Variants in ADAM12 observed in about 807,000 individuals in gnomAD.
ADAM12 encodes the protein ADAM metallopeptidase domain 12.
A neutral mutation model predicts 106.4 loss-of-function variants in ADAM12; 70 were observed. That is an observed-to-expected ratio of 0.66 (90% CI 0.54 to 0.80). The LOEUF is 0.80. ADAM12 is among the 30% of genes least tolerant of loss of function. ADAM12 has a pLI of 0.00. For synonymous variants in ADAM12, 420 were observed against 433.5 expected, an observed-to-expected ratio of 0.97 and a Z score of 0.39; for missense variants, 1,010 against 1,171.9, an observed-to-expected ratio of 0.86 and a Z score of 2.02.
chr10:126,120,611 T>C (rs1269341091), intron 5 of ADAM12, among the ~76,000 whole-genome samples: 1 of 152,034 alleles, frequency 6.6e-6, no homozygotes, highest in Non-Finnish European at 1.5e-5. Flanking sequence ...GTCTATAGTT[T>C]AGGCAGATAA....
At chr10:126,175,312 C>T (rs1017615014) in intron 3 of ADAM12, among the ~76,000 whole-genome samples, 5 of 152,234 alleles carry the variant, frequency 3.3e-5, no homozygotes, top group African/African-American at 2.4e-5. Context: ...AGTTGCAACT[C>T]ACCTCCACAA....
chr10:126,338,246 ATTTTT>A lies in ADAM12; in HGVS notation c.89-7742_89-7738del, dbSNP rs200317403. On this transcript the variant is annotated intron_variant, in intron 1 of 22. Coordinates refer to ENST00000448723, the MANE Select transcript of ADAM12 (RefSeq NM_001288973.2). ...AAAGTCACTTACAACAGTAACTTAC[ATTTTT>A]TTTTTTTTTTTTTTTTTTTGAGACG... Among the ~76,000 whole-genome samples, 10 of 89,840 alleles carry A rather than the reference ATTTTT, an allele frequency of 1.1e-4. No individual in the cohort carries two copies. The East Asian group carries it at 1.4e-3, about 13-fold the overall frequency. 58.9% of individuals were successfully genotyped at this position (89,840 alleles called of 152,430 possible).
At chr10:126,017,686 G>GA (rs1466313121) in intron 22 of ADAM12, among the ~76,000 whole-genome samples, 1 of 152,120 alleles carries the variant, frequency 6.6e-6, no homozygotes, top group Non-Finnish European at 1.5e-5. Flanking sequence ...ATCATCAATA[G>GA]AAAAAAATGG....
chr10:126,378,920 C>G (rs1030241153), intron 1 of ADAM12, among the ~76,000 whole-genome samples: 10 of 152,078 alleles, frequency 6.6e-5, no homozygotes, highest in African/African-American at 2.4e-4. Flanking sequence ...AAAAGTTTTA[C>G]TTAGTATGCT....
At chr10:126,257,377 C>T (rs1171362822) in intron 3 of ADAM12, among the ~76,000 whole-genome samples, 2 of 152,200 alleles carry the variant, frequency 1.3e-5, no homozygotes, top group Admixed American at 6.5e-5. Context: ...ATGGCCTCTT[C>T]GCTGCTGAGA....
chr10:126,334,730 T>C (rs1192545835), intron 1 of ADAM12, among the ~76,000 whole-genome samples: 4 of 152,070 alleles, frequency 2.6e-5, no homozygotes, highest in African/African-American at 7.2e-5. Context: ...CAACCTTCCT[T>C]TGGTAACTTA....
At chr10:126,315,075 C>T (rs1853810284) in intron 2 of ADAM12, among the ~76,000 whole-genome samples, 2 of 152,134 alleles carry the variant, frequency 1.3e-5, no homozygotes, top group South Asian at 4.1e-4. Context: ...AACTCATTTG[C>T]CGTCATGGTT....
chr10:126,044,507 T>C lies in ADAM12; in HGVS notation c.1996-1359A>G, dbSNP rs140579144. On this transcript the variant is annotated intron_variant, in intron 17 of 22. Coordinates refer to ENST00000448723, the MANE Select transcript of ADAM12 (RefSeq NM_001288973.2). The stretch of plus-strand genomic sequence containing the variant: ...ACTAGAAGTTGTTGATGATGCATTT[T>C]TGGGTGGTTTATATCAGGAAGTCGA... 1.4e-4 allele frequency among the ~76,000 whole-genome samples: 22 copies of C among 152,308 alleles called. 1 individual carries two copies. The highest frequency in any genetic ancestry group is 5.1e-4 in the African/African-American group (21 of 41,558).
chr10:126,153,642 C>T (rs1010240001), intron 4 of ADAM12, among the ~76,000 whole-genome samples: 2 of 152,098 alleles, frequency 1.3e-5, no homozygotes, highest in South Asian at 2.1e-4. Flanking sequence ...CTGATGCTTG[C>T]GTACAACGGC....
In ADAM12 at chr10:126,014,312, G is replaced by GTTTTTTTTTTTTT. The variant is rs145629858; in HGVS notation, c.*2966_*2967insAAAAAAAAAAAAA. ...AGAACATTTTGACACAGTTTTAGCC[G>GTTTTTTTTTTTTT]GTTTTTTTTTTTTTTTTTTTTTTTT... On this transcript the variant is annotated 3_prime_UTR_variant, in exon 23 of 23. Transcript: ENST00000448723. 3.4e-5 allele frequency: 3 copies of GTTTTTTTTTTTTT among 87,668 alleles called. No individual in the cohort carries two copies. The highest frequency in any genetic ancestry group is 1.3e-4 in the African/African-American group (3 of 23,908). 5.4% of individuals were successfully genotyped at this position (87,668 alleles called of 1,614,324 possible).
chr10:126,054,014 A>C lies in ADAM12; in HGVS notation c.1610-4345T>G, dbSNP rs1213828746. Among the ~76,000 whole-genome samples the C allele has an allele frequency of 2.0e-5, 3 of 152,126 alleles. No individual in the cohort carries two copies. The East Asian group carries it at 5.8e-4, about 29-fold the overall frequency. On this transcript the variant is annotated intron_variant, in intron 14 of 22. Transcript: ENST00000448723. ...GAGCCACCGTACCTGGCCTGGTCTC[A>C]GTCTTCTTGCTTTCCATGGCACATT...
At chr10:126,362,302 A>G (rs552669305) in intron 1 of ADAM12, among the ~76,000 whole-genome samples, 1 of 152,176 alleles carries the variant, frequency 6.6e-6, no homozygotes, top group Non-Finnish European at 1.5e-5. Context: ...GTTAGCGAGG[A>G]TGTGAAGAAA....
At chr10:126,318,573 CACAT>C in intron 2 of ADAM12, among the ~76,000 whole-genome samples, 1 of 151,814 alleles carries the variant, frequency 6.6e-6, no homozygotes, top group East Asian at 1.9e-4. Context: ...CTCACACACT[CACAT>C]ACACCCACAC....
chr10:126,361,284 A>T (rs964000961), intron 1 of ADAM12, among the ~76,000 whole-genome samples: 4 of 152,226 alleles, frequency 2.6e-5, no homozygotes, highest in African/African-American at 9.6e-5. Flanking sequence ...AATAAACTGA[A>T]GAAAACATAA....
chr10:126,041,312 T>A (rs1954162298), intron 18 of ADAM12: 7 of 985,572 alleles, frequency 7.1e-6, no homozygotes, highest in Non-Finnish European at 8.4e-6. Flanking sequence ...TGCCTTGATT[T>A]TATATATGTA....
rs56035821 is a variant in ADAM12, at chr10:126,203,939, CGTGT to C, written c.261-48638_261-48635del. Reference sequence around the variant, plus strand: ...AAATCAGAGTGAGTGCGCGCGCGCGCGTGTGTGTGTGTGTGTGTGTGTGAACCAA... The same window carrying C: ...AAATCAGAGTGAGTGCGCGCGCGCGCGTGTGTGTGTGTGTGTGTGAACCAA... On this transcript the variant is annotated intron_variant, in intron 3 of 22. Coordinates refer to ENST00000448723, the MANE Select transcript of ADAM12 (RefSeq NM_001288973.2). 2.1e-3 allele frequency among the ~76,000 whole-genome samples: 322 copies of C among 149,844 alleles called. 2 individuals are homozygous for C. Among genetic ancestry groups the C allele is most frequent in the Middle Eastern group, 6.9e-3 (2 of 290 alleles).
rs1345170087 is a variant in ADAM12 at position 126,057,377 on chromosome 10, TAAAAAACA to T, written c.1609+7421_1609+7428del. Among the ~76,000 whole-genome samples the T allele has an allele frequency of 6.1e-4, 28 of 45,782 alleles. 10 individuals are homozygous for T. Among genetic ancestry groups the T allele is most frequent in the Non-Finnish European group, 1.4e-3 (21 of 14,522 alleles). The allele number at this position is 45,782 out of a possible 152,430, so 30.0% of individuals were successfully genotyped here. On this transcript the variant is annotated intron_variant, in intron 14 of 22. Coordinates refer to ENST00000448723, the MANE Select transcript of ADAM12 (RefSeq NM_001288973.2). ...ACTTAGAGTATAATAAAAAAAAAAT[TAAAAAACA>T]AAAAAACAAAAAAACAAAAAAAAAA...
chr10:126,253,721 C>T (rs1046954820), intron 3 of ADAM12, among the ~76,000 whole-genome samples: 4 of 152,194 alleles, frequency 2.6e-5, no homozygotes, highest in African/African-American at 9.6e-5. Context: ...TGCTCTCCTC[C>T]TCATACTGTC....
intron 3 of ADAM12, among the ~76,000 whole-genome samples, chr10:126,159,973 C>T (rs1335118572): frequency 6.6e-6 from 1 of 152,178 alleles, no homozygotes; most frequent in African/African-American, 2.4e-5. Flanking sequence ...ACAGCCCTGA[C>T]CATGTCCCAC....
Sources: allele counts gnomAD v4.1 joint callset (sites outside exome capture counted in the v4.1 genomes callset), GRCh38; gene constraint gnomAD v4.1.1; transcripts MANE v1.5; gene names NCBI Gene and HGNC (gene_info 2026-07-23, HGNC 2026-07-21).